SLCO5A1: variants seen among roughly 807,000 people sequenced by gnomAD.
SLCO5A1 encodes organic anion transporter polypeptide-related protein 4.
A neutral mutation model predicts 65.1 loss-of-function variants in SLCO5A1; 39 were observed. That is an observed-to-expected ratio of 0.60 (90% confidence interval 0.46 to 0.78). SLCO5A1 has a LOEUF of 0.78. SLCO5A1 is among the 30% of genes least tolerant of loss of function. The pLI, the probability that SLCO5A1 is intolerant of heterozygous loss-of-function variation, is 0.00. For missense variants in SLCO5A1, 1,029 were observed against 1,069.4 expected (o/e 0.96, Z 0.53); for synonymous variants, 438 against 415.7 (o/e 1.05, Z -0.65).
chr8:69,710,960 G>A (rs1815215597), intron 5 of SLCO5A1, among the ~76,000 whole-genome samples: 1 of 152,070 alleles, frequency 6.6e-6, no homozygotes, highest in South Asian at 2.1e-4. Flanking sequence ...AATTATACGC[G>A]TCTTGGGACG....
chr8:69,823,185 C>T (rs548952929), intron 2 of SLCO5A1, among the ~76,000 whole-genome samples: 22 of 152,272 alleles, frequency 1.4e-4, no homozygotes, highest in Non-Finnish European at 1.9e-4. Context: ...TTATGGTCTA[C>T]ATTGAGGCTA....
chr8:69,683,987 G>A (rs904123498), intron 6 of SLCO5A1, among the ~76,000 whole-genome samples: 4 of 152,124 alleles, frequency 2.6e-5, no homozygotes, highest in Non-Finnish European at 4.4e-5. Flanking sequence ...CTTTGATAAT[G>A]AGTCCTTAAA....
rs142446377 is a variant in SLCO5A1 at position 69,781,318 on chromosome 8, T to C, written c.908-19443A>G. Among the ~76,000 whole-genome samples, 447 of 152,378 alleles carry C rather than the reference T, an allele frequency of 2.9e-3. 3 individuals carry two copies. The highest frequency in any genetic ancestry group is 0.01 in the African/African-American group (420 of 41,598). ...TCATTGGCATCACCATGGCCATCCATTGGATTTTATAGACATTTGAGTGAT... is the reference window on the plus strand; with the variant it reads ...TCATTGGCATCACCATGGCCATCCACTGGATTTTATAGACATTTGAGTGAT... On this transcript the variant is annotated intron_variant, in intron 2 of 9. Coordinates refer to ENST00000260126, the MANE Select transcript of SLCO5A1 (RefSeq NM_030958.3).
intron 5 of SLCO5A1, among the ~76,000 whole-genome samples, chr8:69,721,510 T>A (rs1815813508): frequency 6.6e-6 from 1 of 152,232 alleles, no homozygotes; most frequent in Admixed American, 6.5e-5. Flanking sequence ...TAGACTGTTA[T>A]CTGATTCTAA....
At chr8:69,826,434 GA>G (rs1176895302) in intron 2 of SLCO5A1, among the ~76,000 whole-genome samples, 5 of 151,450 alleles carry the variant, frequency 3.3e-5, no homozygotes, top group Non-Finnish European at 7.4e-5. Flanking sequence ...AAATTTACAA[GA>G]AAAAAACAAA....
chr8:69,710,861 C>G (rs1401511161), intron 5 of SLCO5A1, among the ~76,000 whole-genome samples: 2 of 152,104 alleles, frequency 1.3e-5, no homozygotes, highest in African/African-American at 4.8e-5. Context: ...GCTGCACTAT[C>G]AAAACAGAAA....
At chr8:69,745,907 T>G (rs1233057930) in intron 4 of SLCO5A1, among the ~76,000 whole-genome samples, 2 of 152,188 alleles carry the variant, frequency 1.3e-5, no homozygotes, top group Admixed American at 1.3e-4. Context: ...GGAATTCACT[T>G]TTATTTTATT....
intron 2 of SLCO5A1, among the ~76,000 whole-genome samples, chr8:69,823,250 G>C (rs1293933012): frequency 1.3e-5 from 2 of 152,100 alleles, no homozygotes; most frequent in Admixed American, 1.3e-4. Flanking sequence ...CATAAAGACA[G>C]GATCAAAGTC....
At chr8:69,699,761 C>A (rs1028719053) in intron 6 of SLCO5A1, among the ~76,000 whole-genome samples, 4 of 152,066 alleles carry the variant, frequency 2.6e-5, no homozygotes, top group Non-Finnish European at 4.4e-5. Flanking sequence ...GAAAATATTC[C>A]ACTCATAAAG....
rs1280770001 is a variant in SLCO5A1 at position 69,819,343 on chromosome 8, A to G, written c.907+12424T>C. ...CACCGAGACACCACCGCCACCCCCT[A>G]CTCCACATGGGAGACCCCAGGCAGG... On this transcript the variant is annotated intron_variant, in intron 2 of 9. Coordinates refer to ENST00000260126, the MANE Select transcript of SLCO5A1 (RefSeq NM_030958.3). Among the ~76,000 whole-genome samples the G allele has an allele frequency of 1.8e-4, 27 of 150,168 alleles. 2 individuals carry two copies. The Admixed American group carries it at 1.8e-3, about 10-fold the overall frequency.
At chr8:69,734,144 T>G (rs184152023) in intron 5 of SLCO5A1, among the ~76,000 whole-genome samples, 28 of 152,242 alleles carry the variant, frequency 1.8e-4, no homozygotes, top group Admixed American at 1.4e-3. Flanking sequence ...TGTCCTCAAG[T>G]GATTACAGCA....
At chr8:69,828,526 T>C (rs1162284691) in intron 2 of SLCO5A1, among the ~76,000 whole-genome samples, 2 of 150,946 alleles carry the variant, frequency 1.3e-5, no homozygotes, top group Non-Finnish European at 2.9e-5. Context: ...GGCGTCAACC[T>C]GGAAGGCGGA....
At chr8:69,816,165 T>C (rs979994590) in intron 2 of SLCO5A1, among the ~76,000 whole-genome samples, 6 of 152,210 alleles carry the variant, frequency 3.9e-5, no homozygotes, top group African/African-American at 1.4e-4. Context: ...TTGGCAATGC[T>C]TTATTGGATA....
chr8:69,784,440 G>A (rs1818923903), intron 2 of SLCO5A1, among the ~76,000 whole-genome samples: 1 of 152,142 alleles, frequency 6.6e-6, no homozygotes. Flanking sequence ...ATCGCTGGTG[G>A]GAATGCATAA....
chr8:69,687,845 T>C (rs1316129608), intron 6 of SLCO5A1, among the ~76,000 whole-genome samples: 2 of 151,426 alleles, frequency 1.3e-5, no homozygotes, highest in Admixed American at 1.3e-4. Flanking sequence ...TATTTTAACA[T>C]ATATATAATT....
At chr8:69,731,103 T>C (rs1161632652) in intron 5 of SLCO5A1, among the ~76,000 whole-genome samples, 1 of 152,100 alleles carries the variant, frequency 6.6e-6, no homozygotes, top group Non-Finnish European at 1.5e-5. Flanking sequence ...GTTCAAGTGA[T>C]TCTCATGCCT....
chr8:69,829,021 A>G (rs1281130643), intron 2 of SLCO5A1, among the ~76,000 whole-genome samples: 1 of 152,236 alleles, frequency 6.6e-6, no homozygotes, highest in Non-Finnish European at 1.5e-5. Flanking sequence ...ATGAAAAACA[A>G]CTGGGATATT....
rs958841726 is a variant in SLCO5A1 at position 69,667,702 on chromosome 8, C to T, written c.*5167G>A. Reference sequence around the variant, plus strand: ...TTCAAAACCCCAGTGTTAAAAATACCTTACATGGGTGTAATCTTTTTGGAG... The same window carrying T: ...TTCAAAACCCCAGTGTTAAAAATACTTTACATGGGTGTAATCTTTTTGGAG... On this transcript the variant is annotated 3_prime_UTR_variant, in exon 10 of 10. Coordinates refer to ENST00000260126, the MANE Select transcript of SLCO5A1 (RefSeq NM_030958.3). 57 of 152,146 alleles carry T rather than the reference C, an allele frequency of 3.7e-4. No individual in the cohort carries two copies. Among genetic ancestry groups the T allele is most frequent in the African/African-American group, 1.3e-3 (54 of 41,424 alleles). 9.4% of individuals were successfully genotyped at this position (152,146 alleles called of 1,614,324 possible). A position where few individuals can be genotyped will look rare whatever the true frequency, so the allele number is the denominator to read the frequency against.
intron 2 of SLCO5A1, among the ~76,000 whole-genome samples, chr8:69,784,952 A>AAGAAAGAG: frequency 2.0e-5 from 3 of 147,876 alleles, no homozygotes; most frequent in Non-Finnish European, 4.5e-5. Flanking sequence ...GAAAGAAAGA[A>AAGAAAGAG]GAAAGGAAGG....
Sources: allele counts gnomAD v4.1 joint callset (sites outside exome capture counted in the v4.1 genomes callset), GRCh38; gene constraint gnomAD v4.1.1; transcripts MANE v1.5; gene names NCBI Gene and HGNC (gene_info 2026-07-23, HGNC 2026-07-21).